PPEF1: variants seen among roughly 807,000 people sequenced by gnomAD.
PPEF1 encodes protein phosphatase with EF-hand domain 1.
A neutral mutation model predicts 53.3 loss-of-function variants in PPEF1; 12 were observed. The ratio of observed to expected loss-of-function variants is 0.23; its 90% CI spans 0.14 to 0.36. The LOEUF (loss-of-function observed/expected upper bound fraction) is 0.36. Ranked by LOEUF, PPEF1 falls within the 10% of genes least tolerant of loss-of-function variation. The pLI is 1.00. For synonymous variants in PPEF1, 165 were observed against 176.7 expected (o/e 0.93, Z 0.52); for missense variants, 334 against 490.4 (o/e 0.68, Z 3.01).
intron 6 of PPEF1, among the ~76,000 whole-genome samples, chrX:18,776,975 A>G (rs1316178292): frequency 8.9e-6 from 1 of 112,754 alleles, no homozygotes; most frequent in Non-Finnish European, 1.9e-5. Flanking sequence ...CATGGTCATA[A>G]TAAAATGAGT....
intron 10 of PPEF1, among the ~76,000 whole-genome samples, chrX:18,795,007 A>AT (rs1000777155): frequency 1.1e-4 from 12 of 111,263 alleles, no homozygotes; most frequent in African/African-American, 9.8e-5. Flanking sequence ...AACTATTTTA[A>AT]TTTTTTTTTA....
At chrX:18,759,457 C>T (rs1322133355) in intron 5 of PPEF1, among the ~76,000 whole-genome samples, 1 of 111,447 alleles carries the variant, frequency 9.0e-6, no homozygotes, top group Non-Finnish European at 1.9e-5. Context: ...TAGTTTTCAG[C>T]ATGCATGAAA....
At chrX:18,750,353 A>G (rs1182422689) in intron 4 of PPEF1, among the ~76,000 whole-genome samples, 1 of 111,124 alleles carries the variant, frequency 9.0e-6, no homozygotes, top group Non-Finnish European at 1.9e-5. Flanking sequence ...CCACTGTTCT[A>G]TTTTCTGTCT....
upstream of PPEF1, among the ~76,000 whole-genome samples, chrX:18,682,896 A>G (rs748646183): frequency 1.8e-5 from 2 of 111,540 alleles, no homozygotes; most frequent in Non-Finnish European, 3.8e-5. Flanking sequence ...TGGGCAATTT[A>G]TAAAGGAAAG....
At chrX:18,816,010 C>T (rs921165404) in intron 12 of PPEF1, among the ~76,000 whole-genome samples, 4 of 109,789 alleles carry the variant, frequency 3.6e-5, no homozygotes, top group Admixed American at 9.8e-5. Context: ...AAGTGATTCT[C>T]CTGCCTCAGC....
upstream of PPEF1, among the ~76,000 whole-genome samples, chrX:18,703,140 T>C (rs1352171427): frequency 5.4e-5 from 6 of 110,366 alleles, no homozygotes; most frequent in Admixed American, 5.8e-4. Flanking sequence ...GCTTACAAAC[T>C]CACTTCCCTC....
chrX:18,786,557 C>T (rs962510166), intron 9 of PPEF1, among the ~76,000 whole-genome samples: 1 of 110,190 alleles, frequency 9.1e-6, no homozygotes, highest in Non-Finnish European at 1.9e-5. Context: ...CTGAGGTGGG[C>T]GGATCACTTG....
At chrX:18,716,824 G>A (rs2147318502) in intron 1 of PPEF1, among the ~76,000 whole-genome samples, 1 of 110,843 alleles carries the variant, frequency 9.0e-6, no homozygotes, top group South Asian at 3.8e-4. Context: ...TGCCACCGTA[G>A]GGTATATTGA....
At chrX:18,799,232 C>CAA (rs60105762) in intron 10 of PPEF1, among the ~76,000 whole-genome samples, 22 of 78,340 alleles carry the variant, frequency 2.8e-4, no homozygotes, top group African/African-American at 9.8e-4. Context: ...GACCCCGTCT[C>CAA]AAAAAAAAAA....
chrX:18,730,176 T>C lies in PPEF1; in HGVS notation c.47-5T>C. ...CTTTGACTTTCATATTCTGTGGGTCTGCAGCACTGAGAGCTGCGTTGATCA... is the reference window on the plus strand; with the variant it reads ...CTTTGACTTTCATATTCTGTGGGTCCGCAGCACTGAGAGCTGCGTTGATCA... On this transcript the variant is annotated splice_region_variant and splice_polypyrimidine_tract_variant and intron_variant, in intron 1 of 15. Transcript: ENST00000470157. The C allele has an allele frequency of 2.5e-6, 3 of 1,205,948 alleles. No homozygotes were observed. Among genetic ancestry groups the C allele is most frequent in the Non-Finnish European group, 3.4e-6 (3 of 893,101 alleles).
chrX:18,780,728 A>C (rs1480170155), intron 7 of PPEF1, among the ~76,000 whole-genome samples: 1 of 110,477 alleles, frequency 9.1e-6, no homozygotes, highest in Non-Finnish European at 1.9e-5. Context: ...ATGATGATTT[A>C]AGGCTCAGTA....
chrX:18,794,672 G>A (rs985548280), intron 10 of PPEF1, among the ~76,000 whole-genome samples: 11 of 112,732 alleles, frequency 9.8e-5, no homozygotes, highest in Non-Finnish European at 2.1e-4. Context: ...CCCAATGAGC[G>A]GGAGAAGTGA....
chrX:18,703,141 C>T (rs747183998), upstream of PPEF1, among the ~76,000 whole-genome samples: 1 of 110,850 alleles, frequency 9.0e-6, no homozygotes, highest in Non-Finnish European at 1.9e-5. Flanking sequence ...CTTACAAACT[C>T]ACTTCCCTCT....
intron 14 of PPEF1, 69 bp downstream of exon 14, chrX:18,824,155 G>T (rs2147766810): frequency 9.6e-7 from 1 of 1,038,353 alleles, no homozygotes; most frequent in African/African-American, 1.9e-5. Context: ...TGAAAAGCTG[G>T]GAGTGGCCGG....
intron 12 of PPEF1, among the ~76,000 whole-genome samples, chrX:18,814,243 T>C (rs952427925): frequency 1.6e-4 from 18 of 112,083 alleles, no homozygotes; most frequent in African/African-American, 5.5e-4. Context: ...CAATCCACCA[T>C]TGATGGACAC....
intron 3 of PPEF1, among the ~76,000 whole-genome samples, chrX:18,744,225 T>C (rs2045272691): frequency 8.9e-6 from 1 of 112,198 alleles, no homozygotes; most frequent in South Asian, 3.7e-4. Flanking sequence ...GAAGGTTATT[T>C]AACATTTCCA....
intron 2 of PPEF1, among the ~76,000 whole-genome samples, chrX:18,730,713 CTT>C (rs754429087): frequency 2.9e-5 from 3 of 102,148 alleles, no homozygotes; most frequent in African/African-American, 3.5e-5. Context: ...TGAGGAAGGC[CTT>C]TTTTTTTTTT....
intron 1 of PPEF1, among the ~76,000 whole-genome samples, chrX:18,720,478 G>A (rs1468443002): frequency 1.8e-5 from 2 of 110,345 alleles, no homozygotes; most frequent in African/African-American, 6.6e-5. Flanking sequence ...TGTAGTCTCA[G>A]CTACTCGGGA....
At chrX:18,698,842 C>T (rs1304213176) in intron 5 of PPEF1, among the ~76,000 whole-genome samples, 1 of 111,708 alleles carries the variant, frequency 9.0e-6, no homozygotes, top group African/African-American at 3.3e-5. Context: ...GATCCTTTCC[C>T]TTTAGGATTT....
Sources: gnomAD v4.1 joint callset for allele counts (sites outside exome capture counted in the v4.1 genomes callset) on GRCh38, gnomAD v4.1.1 for gene constraint, MANE v1.5 for transcripts, NCBI Gene and HGNC (gene_info 2026-07-23, HGNC 2026-07-21) for gene names.